The following PDE4D variants were observed in gnomAD, a reference collection of about 807,000 sequenced individuals.
The protein encoded by PDE4D is 3',5'-cyclic-AMP phosphodiesterase 4D.
PDE4D carries 24 observed loss-of-function variants against 87.4 expected under a neutral mutation model. That is an observed-to-expected ratio of 0.27 (90% CI 0.20 to 0.39). PDE4D has a LOEUF of 0.39. Ranked by LOEUF, PDE4D falls within the 10% of genes least tolerant of loss-of-function variation. The pLI is 1.00. For missense variants in PDE4D, 714 were observed against 1,041.0 expected (o/e 0.69, Z 4.32); for synonymous variants, 384 against 383.2 (o/e 1.00, Z -0.02).
chr5:59,160,077 G>C (rs1780823079), intron 5 of PDE4D, among the ~76,000 whole-genome samples: 1 of 152,172 alleles, frequency 6.6e-6, no homozygotes, highest in Non-Finnish European at 1.5e-5. Context: ...CCTTTAAGAG[G>C]TTAAGAATAA....
At chr5:59,433,735 C>T (rs558404355) in intron 1 of PDE4D, among the ~76,000 whole-genome samples, 5 of 152,138 alleles carry the variant, frequency 3.3e-5, no homozygotes, top group Admixed American at 2.0e-4. Context: ...AAAAATCTCA[C>T]TTATCATCCC....
chr5:59,678,994 C>T (rs1748582505), intron 1 of PDE4D, among the ~76,000 whole-genome samples: 2 of 152,142 alleles, frequency 1.3e-5, no homozygotes, highest in Admixed American at 1.3e-4. Context: ...CTGAGCATTA[C>T]CAATCTTTCT....
At chr5:60,476,746 A>G (rs957189397) in intron 1 of PDE4D, among the ~76,000 whole-genome samples, 1 of 151,928 alleles carries the variant, frequency 6.6e-6, no homozygotes, top group Non-Finnish European at 1.5e-5. Flanking sequence ...GTCATGGCTC[A>G]CTCCCTCACT....
intron 1 of PDE4D, among the ~76,000 whole-genome samples, chr5:60,248,378 C>A (rs1470543879): frequency 6.6e-6 from 1 of 152,024 alleles, no homozygotes; most frequent in Non-Finnish European, 1.5e-5. Context: ...AGGTCAGGGC[C>A]AGGCCCAAGA....
At position 60,080,187 on chromosome 5, in the gene PDE4D, AT is replaced by A. The variant is rs1375421517; in HGVS notation, c.43-91471del. ...ATTTGGCTTTCTGCTTTGCTTTCCT[AT>A]TATTGCTGTAAAAGAATGCTTGTGA... On this transcript the variant is annotated intron_variant, in intron 2 of 16. Coordinates refer to the PDE4D transcript ENST00000502484. Among the ~76,000 whole-genome samples, 3 of 151,684 alleles carry A rather than the reference AT, an allele frequency of 2.0e-5. No individual in the cohort carries two copies. In the East Asian group the frequency reaches 5.8e-4, roughly 29 times the overall value.
intron 1 of PDE4D, among the ~76,000 whole-genome samples, chr5:59,301,051 TCC>T (rs1437080795): frequency 1.3e-5 from 2 of 152,130 alleles, no homozygotes; most frequent in African/African-American, 4.8e-5. Flanking sequence ...TGTGCCAACC[TCC>T]ATGAAAGTCC....
At chr5:59,827,832 T>C (rs1437453817) in intron 1 of PDE4D, among the ~76,000 whole-genome samples, 2 of 152,040 alleles carry the variant, frequency 1.3e-5, no homozygotes, top group South Asian at 2.1e-4. Flanking sequence ...AAAAATAATA[T>C]CATAAAAGCT....
chr5:59,191,498 T>C (rs562643050), intron 3 of PDE4D, among the ~76,000 whole-genome samples: 8 of 151,936 alleles, frequency 5.3e-5, no homozygotes, highest in African/African-American at 1.5e-4. Flanking sequence ...ATGATGTTAC[T>C]TACATTGTTA....
intron 1 of PDE4D, among the ~76,000 whole-genome samples, chr5:59,520,511 C>T (rs1472101177): frequency 2.6e-5 from 4 of 152,070 alleles, no homozygotes; most frequent in African/African-American, 7.2e-5. Flanking sequence ...GTGGGAAGTG[C>T]AGAAAGGCAT....
intron 1 of PDE4D, among the ~76,000 whole-genome samples, chr5:60,458,887 A>T (rs1173590588): frequency 6.6e-6 from 1 of 152,112 alleles, no homozygotes; most frequent in African/African-American, 2.4e-5. Flanking sequence ...AGCGACAGTC[A>T]AATAAAAGAA....
In PDE4D at chr5:58,972,144, C is replaced by T. The variant is rs930442260; in HGVS notation, c.*2520G>A. ...TTCTAGGCACTCTGTGGGGGAAATA[C>T]TAAGTGTAGGGAGGAGAGGAATGAG... On this transcript the variant is annotated 3_prime_UTR_variant, in exon 15 of 15. Transcript: ENST00000340635. The T allele has an allele frequency of 1.3e-5, 2 of 152,410 alleles. No homozygotes were observed. Among genetic ancestry groups the T allele is most frequent in the Admixed American group, 6.6e-5 (1 of 15,234 alleles). The allele number at this position is 152,410 out of a possible 1,614,324, so 9.4% of individuals were successfully genotyped here. A position where few individuals can be genotyped will look rare whatever the true frequency, so the allele number is the denominator to read the frequency against.
chr5:59,035,681 T>TA (rs1055272704), intron 6 of PDE4D, among the ~76,000 whole-genome samples: 1 of 151,968 alleles, frequency 6.6e-6, no homozygotes, highest in African/African-American at 2.4e-5. Context: ...AAACTGAAGC[T>TA]AAAAAAAATT....
intron 6 of PDE4D, among the ~76,000 whole-genome samples, chr5:59,031,909 A>G (rs1268606555): frequency 6.6e-6 from 1 of 152,026 alleles, no homozygotes; most frequent in Non-Finnish European, 1.5e-5. Flanking sequence ...AACAGAGAGT[A>G]GAAAGGTGGG....
chr5:60,009,537 T>C (rs970459471), intron 2 of PDE4D, among the ~76,000 whole-genome samples: 2 of 152,076 alleles, frequency 1.3e-5, no homozygotes, highest in Non-Finnish European at 1.5e-5. Flanking sequence ...CTATATAGAA[T>C]GTTAGCGTCA....
At chr5:60,011,500 TA>T (rs991831467) in intron 2 of PDE4D, among the ~76,000 whole-genome samples, 5 of 152,186 alleles carry the variant, frequency 3.3e-5, no homozygotes, top group Non-Finnish European at 5.9e-5. Flanking sequence ...AAAGTTTTTG[TA>T]ACAACGTTTA....
chr5:59,992,361 C>T (rs1561954647), intron 2 of PDE4D, among the ~76,000 whole-genome samples: 1 of 151,858 alleles, frequency 6.6e-6, no homozygotes, highest in African/African-American at 2.4e-5. Flanking sequence ...GCTTACAGAC[C>T]GCCTATTGTG....
chr5:60,031,800 G>T (rs1219519408), intron 2 of PDE4D, among the ~76,000 whole-genome samples: 2 of 151,952 alleles, frequency 1.3e-5, no homozygotes, highest in South Asian at 2.1e-4. Flanking sequence ...AGAAATGAGA[G>T]AGAAAGAGAA....
intron 3 of PDE4D, among the ~76,000 whole-genome samples, chr5:59,900,402 A>G (rs748445230): frequency 6.6e-6 from 1 of 152,132 alleles, no homozygotes; most frequent in Non-Finnish European, 1.5e-5. Flanking sequence ...AAACATGGGT[A>G]GGAGACAAAG....
intron 1 of PDE4D, among the ~76,000 whole-genome samples, chr5:59,365,766 ACCT>A (rs1461502868): frequency 2.6e-5 from 4 of 151,860 alleles, no homozygotes; most frequent in Admixed American, 2.0e-4. Context: ...CAAGAATCTT[ACCT>A]CGGAAAAATA....
Sources: allele counts gnomAD v4.1 joint callset (sites outside exome capture counted in the v4.1 genomes callset), GRCh38; gene constraint gnomAD v4.1.1; transcripts MANE v1.5; gene names NCBI Gene and HGNC (gene_info 2026-07-23, HGNC 2026-07-21).